MTMR2: variants seen among roughly 807,000 people sequenced by gnomAD.
MTMR2 encodes myotubularin related protein 2, also known as phosphatidylinositol-3,5-bisphosphate 3-phosphatase MTMR2.
In MTMR2, 55 loss-of-function variants were observed where a neutral mutation model predicts 86.9. The ratio of observed to expected loss-of-function variants is 0.63; its 90% CI spans 0.51 to 0.79. MTMR2 has a LOEUF of 0.79. MTMR2 is among the 30% of genes least tolerant of loss of function. The pLI is 0.00. For synonymous variants in MTMR2, 241 were observed against 266.8 expected, an observed-to-expected ratio of 0.90 and a Z score of 0.94; for missense variants, 659 against 772.3, an observed-to-expected ratio of 0.85 and a Z score of 1.74.
rs776878457 is a variant in MTMR2 at position 95,862,349 on chromosome 11, T to C, written c.280A>G (p.Ile94Val). The change falls in exon 4 of 15, where the codon ATA becomes GTA. Residue 94 changes from isoleucine (I) to valine (V), a missense_variant. By Grantham distance (29) the Ile-to-Val change is conservative. Coordinates refer to ENST00000346299, the MANE Select transcript of MTMR2 (RefSeq NM_016156.6). ...IKDMAKDVTY[I>V]CPFTGAVRGT... Reference sequence around the variant, plus strand: ...CGTACAGCGCCAGTGAATGGACATATATAAGTTACATCTTTGGCTGAAAAA... The same window carrying C: ...CGTACAGCGCCAGTGAATGGACATACATAAGTTACATCTTTGGCTGAAAAA... 3.7e-6 allele frequency: 6 copies of C among 1,613,986 alleles called. No individual in the cohort carries two copies. Among genetic ancestry groups the C allele is most frequent in the Non-Finnish European group, 5.1e-6 (6 of 1,179,882 alleles).
intron 1 of MTMR2, among the ~76,000 whole-genome samples, chr11:95,923,071 C>G (rs1866988980): frequency 6.6e-6 from 1 of 152,154 alleles, no homozygotes; most frequent in Non-Finnish European, 1.5e-5. Context: ...AAGAAAAAGA[C>G]TGCATCCAAA....
chr11:95,897,203 G>A (rs370585302), intron 1 of MTMR2, among the ~76,000 whole-genome samples: 51 of 151,974 alleles, frequency 3.4e-4, no homozygotes, highest in East Asian at 2.1e-3. Context: ...TCTTGGCCCC[G>A]ATGATCTCTT....
At position 95,893,727 on chromosome 11, in the gene MTMR2, CA is replaced by C. The variant is rs573343771; in HGVS notation, c.81-5467del. On this transcript the variant is annotated intron_variant, in intron 1 of 14. Transcript: ENST00000346299. ...TTAAACCATAACCATCCTCTTCTCC[CA>C]CACAGCTATCACATCCAATCTATCC... Among the ~76,000 whole-genome samples the C allele has an allele frequency of 1.0e-3, 154 of 152,254 alleles. 1 individual carries two copies. Among genetic ancestry groups the C allele is most frequent in the African/African-American group, 3.6e-3 (148 of 41,540 alleles).
rs2135417185 is a variant in MTMR2, at chr11:95,841,662, A to C, written c.1434T>G (p.Pro478=). The C allele has an allele frequency of 6.2e-7, 1 of 1,613,938 alleles. No individual in the cohort carries two copies. Among genetic ancestry groups the C allele is most frequent in the African/African-American group, 1.3e-5 (1 of 75,050 alleles). Residue 478 remains proline (P), a synonymous_variant, in exon 12 of 15, where the codon CCT becomes CCG. Transcript: ENST00000346299. Reference sequence around the variant, plus strand: ...CACAGTCAATAAATTGAAGAAAAACAGGCGATCTGTCTGCATCTGCATGGT... The same window carrying C: ...CACAGTCAATAAATTGAAGAAAAACCGGCGATCTGTCTGCATCTGCATGGT... ...DKNHADADRS[P]VFLQFIDCVW...
intron 10 of MTMR2, among the ~76,000 whole-genome samples, chr11:95,847,476 C>G (rs1016892475): frequency 6.6e-6 from 1 of 151,932 alleles, no homozygotes; most frequent in African/African-American, 2.4e-5. Flanking sequence ...AAGGATGGTT[C>G]GAATTCAGAT....
intron 7 of MTMR2, among the ~76,000 whole-genome samples, chr11:95,857,319 G>C (rs925981711): frequency 6.6e-6 from 1 of 152,090 alleles, no homozygotes; most frequent in Admixed American, 6.5e-5. Flanking sequence ...GACTATTTTA[G>C]GTGGGGCTTA....
At chr11:95,882,183 T>C (rs190590312) in intron 2 of MTMR2, among the ~76,000 whole-genome samples, 7 of 152,118 alleles carry the variant, frequency 4.6e-5, no homozygotes, top group African/African-American at 1.7e-4. Context: ...CATGTCAATA[T>C]CACATTCATG....
chr11:95,872,770 T>C (rs1373621672), intron 2 of MTMR2, among the ~76,000 whole-genome samples: 1 of 152,202 alleles, frequency 6.6e-6, no homozygotes, highest in East Asian at 1.9e-4. Flanking sequence ...TAGCTCTTAT[T>C]ATTTTGAGAT....
At chr11:95,864,887 A>C (rs1050457003) in intron 3 of MTMR2, among the ~76,000 whole-genome samples, 2 of 152,182 alleles carry the variant, frequency 1.3e-5, no homozygotes, top group Non-Finnish European at 2.9e-5. Flanking sequence ...TTGGTAACAA[A>C]ATGAAACATG....
intron 1 of MTMR2, among the ~76,000 whole-genome samples, chr11:95,905,331 G>GCGCGCGCGCACGCGCGCA (rs928252045): frequency 6.8e-6 from 1 of 147,992 alleles, no homozygotes; most frequent in African/African-American, 2.5e-5. Context: ...ACGCACCTGC[G>GCGCGCGCGCACGCGCGCA]CACACACACA....
chr11:95,891,344 G>A (rs529023355), intron 1 of MTMR2, among the ~76,000 whole-genome samples: 2 of 151,816 alleles, frequency 1.3e-5, no homozygotes, highest in South Asian at 2.1e-4. Flanking sequence ...CCAGCTACTC[G>A]GGAGGCTGAA....
chr11:95,847,162 C>A (rs950982665), intron 10 of MTMR2, among the ~76,000 whole-genome samples: 2 of 152,138 alleles, frequency 1.3e-5, no homozygotes, highest in Admixed American at 1.3e-4. Context: ...GCTCATGCAA[C>A]CACTCCACCT....
chr11:95,851,148 C>T (rs1355479479), intron 7 of MTMR2, among the ~76,000 whole-genome samples: 1 of 148,302 alleles, frequency 6.7e-6, no homozygotes, highest in African/African-American at 2.5e-5. Context: ...CTGCAACCTC[C>T]GCCTCCTGGG....
intron 7 of MTMR2, among the ~76,000 whole-genome samples, chr11:95,854,031 C>A (rs888186258): frequency 1.3e-5 from 2 of 152,102 alleles, no homozygotes; most frequent in African/African-American, 4.8e-5. Context: ...TGGGGAATGT[C>A]ACATTATTCA....
intron 9 of MTMR2, 124 bp downstream of exon 9, chr11:95,849,550 G>A (rs2135438759): frequency 2.3e-6 from 2 of 863,438 alleles, no homozygotes; most frequent in East Asian, 2.4e-5. Flanking sequence ...TCAAGTTGAA[G>A]AGCCAAGACA....
intron 2 of MTMR2, chr11:95,887,478 A>AT (rs1865555047): frequency 6.6e-6 from 1 of 152,220 alleles, no homozygotes; most frequent in Non-Finnish European, 1.5e-5. Flanking sequence ...CATATAATTC[A>AT]TTTTCTCAAT....
intron 3 of MTMR2, among the ~76,000 whole-genome samples, chr11:95,863,434 A>G (rs1381641769): frequency 1.3e-5 from 2 of 152,238 alleles, no homozygotes; most frequent in Non-Finnish European, 2.9e-5. Flanking sequence ...TTCCCTTAGG[A>G]ACATTTTAAG....
chr11:95,851,978 A>C (rs751305070), intron 7 of MTMR2, among the ~76,000 whole-genome samples: 16 of 152,240 alleles, frequency 1.1e-4, no homozygotes, highest in Non-Finnish European at 1.6e-4. Context: ...TTAATAAAAC[A>C]ACTGAAATTT....
chr11:95,903,991 T>G (rs1203362812), intron 1 of MTMR2, among the ~76,000 whole-genome samples: 1 of 152,136 alleles, frequency 6.6e-6, no homozygotes, highest in Admixed American at 6.6e-5. Context: ...GGCACACGAC[T>G]GTAGTCCCAG....
Sources: gnomAD v4.1 joint callset for allele counts (sites outside exome capture counted in the v4.1 genomes callset) on GRCh38, gnomAD v4.1.1 for gene constraint, MANE v1.5 for transcripts, NCBI Gene and HGNC (gene_info 2026-07-23, HGNC 2026-07-21) for gene names.